The following KANK1 variants were observed in gnomAD, a reference collection of about 807,000 sequenced individuals.
KANK1 encodes KN motif and ankyrin repeat domains 1.
In KANK1, 109 loss-of-function variants were observed where a neutral mutation model predicts 106.2. The ratio of observed to expected loss-of-function variants is 1.03; its 90% CI spans 0.88 to 1.20. The LOEUF is 1.20. Among genes scored for constraint, KANK1 ranks in the 50% most tolerant of loss-of-function variants. The pLI, the probability that KANK1 is intolerant of heterozygous loss-of-function variation, is 0.00. For synonymous variants in KANK1, 873 were observed against 652.2 expected (o/e 1.34, Z -5.16); for missense variants, 2,399 against 1,710.7 (o/e 1.40, Z -7.10).
intron 1 of KANK1, among the ~76,000 whole-genome samples, chr9:514,143 C>CTCT (rs1563696773): frequency 1.5e-5 from 1 of 67,236 alleles, no homozygotes; most frequent in African/African-American, 1.5e-4. Flanking sequence ...TCCCTCCCTC[C>CTCT]CTTCCTCTCT....
At chr9:523,818 C>CTTTTTTT (rs56375582) in intron 1 of KANK1, among the ~76,000 whole-genome samples, 1 of 148,908 alleles carries the variant, frequency 6.7e-6, no homozygotes, top group Admixed American at 6.7e-5. Context: ...TTGGCCTCTT[C>CTTTTTTT]TTTTTTTTTT....
At chr9:546,966 A>G (rs2060970191) in intron 1 of KANK1, among the ~76,000 whole-genome samples, 1 of 152,192 alleles carries the variant, frequency 6.6e-6, no homozygotes, top group Non-Finnish European at 1.5e-5. Context: ...CTCACCAGAT[A>G]GGGTTGCAGC....
At chr9:745,053 T>G in intron 11 of KANK1, 120 bp from the exon 12 acceptor site, 1 of 1,529,880 alleles carries the variant, frequency 6.5e-7, no homozygotes, top group African/African-American at 1.4e-5. Context: ...GCCAGAGCTC[T>G]CCTGGCTCGG....
intron 3 of KANK1, among the ~76,000 whole-genome samples, chr9:491,455 G>A (rs1042030065): frequency 6.6e-6 from 1 of 151,828 alleles, no homozygotes; most frequent in Non-Finnish European, 1.5e-5. Flanking sequence ...TTTTAGTAGA[G>A]ATGGGATTTC....
chr9:608,179 A>C (rs1454444624), intron 1 of KANK1, among the ~76,000 whole-genome samples: 2 of 149,234 alleles, frequency 1.3e-5, no homozygotes, highest in Non-Finnish European at 3.0e-5. Context: ...CTGGGACTAC[A>C]GGCGCCCGCC....
intron 1 of KANK1, among the ~76,000 whole-genome samples, chr9:665,239 C>T (rs1844301052): frequency 6.6e-6 from 1 of 152,102 alleles, no homozygotes; most frequent in Admixed American, 6.5e-5. Flanking sequence ...AAAATTTTTG[C>T]CCAGACCAAT....
At chr9:626,590 T>C (rs942373774) in intron 1 of KANK1, among the ~76,000 whole-genome samples, 2 of 152,258 alleles carry the variant, frequency 1.3e-5, no homozygotes, top group African/African-American at 2.4e-5. Context: ...AGTAAATCCT[T>C]ATTTAGTGAA....
At chr9:706,859 G>T in intron 2 of KANK1, 1 of 985,496 alleles carries the variant, frequency 1.0e-6, no homozygotes, top group Non-Finnish European at 1.2e-6. Flanking sequence ...GGAGGACACA[G>T]ACTCTTTCAT....
chr9:633,709 G>C (rs993798072), intron 1 of KANK1, among the ~76,000 whole-genome samples: 1 of 152,178 alleles, frequency 6.6e-6, no homozygotes, highest in African/African-American at 2.4e-5. Context: ...CTAGTGTGCA[G>C]TGGCATGTTC....
intron 1 of KANK1, among the ~76,000 whole-genome samples, chr9:633,153 C>G (rs1257327895): frequency 2.0e-5 from 3 of 152,092 alleles, no homozygotes; most frequent in African/African-American, 4.8e-5. Context: ...CTTTTATGGA[C>G]TATTGATAAG....
At chr9:519,492 C>A (rs2059450511) in intron 1 of KANK1, among the ~76,000 whole-genome samples, 1 of 151,804 alleles carries the variant, frequency 6.6e-6, no homozygotes, top group Admixed American at 6.6e-5. Context: ...TAGTGATTTT[C>A]ATTAAGTTCT....
chr9:564,171 T>G (rs910789244), intron 1 of KANK1, among the ~76,000 whole-genome samples: 1 of 151,902 alleles, frequency 6.6e-6, no homozygotes, highest in African/African-American at 2.4e-5. Context: ...GCCATTCTCC[T>G]GCCTCAGCCT....
chr9:639,379 G>A (rs1351623950), intron 1 of KANK1, among the ~76,000 whole-genome samples: 1 of 152,044 alleles, frequency 6.6e-6, no homozygotes, highest in Non-Finnish European at 1.5e-5. Flanking sequence ...GGGCTAGAGT[G>A]CAGTGGCACG....
intron 1 of KANK1, among the ~76,000 whole-genome samples, chr9:587,298 C>G (rs1823736077): frequency 6.6e-6 from 1 of 151,988 alleles, no homozygotes; most frequent in Non-Finnish European, 1.5e-5. Flanking sequence ...TGAGAAAAGA[C>G]TTTTATAGGA....
At chr9:510,112 C>G (rs2058966623) in intron 1 of KANK1, among the ~76,000 whole-genome samples, 1 of 152,062 alleles carries the variant, frequency 6.6e-6, no homozygotes, top group African/African-American at 2.4e-5. Context: ...TGCACCCAGT[C>G]TAAGAAATCT....
chr9:714,548 G>T (rs1454799678), intron 3 of KANK1, among the ~76,000 whole-genome samples: 1 of 151,916 alleles, frequency 6.6e-6, no homozygotes, highest in African/African-American at 2.4e-5. Context: ...AGTAGAGATA[G>T]GGTTTCACCA....
chr9:576,447 C>G (rs559561588), intron 1 of KANK1, among the ~76,000 whole-genome samples: 3 of 152,344 alleles, frequency 2.0e-5, no homozygotes, highest in African/African-American at 7.2e-5. Flanking sequence ...CTGTGCCTAT[C>G]TTTCCCACAG....
At chr9:600,820 A>G (rs958147553) in intron 1 of KANK1, among the ~76,000 whole-genome samples, 2 of 151,884 alleles carry the variant, frequency 1.3e-5, no homozygotes, top group Non-Finnish European at 2.9e-5. Flanking sequence ...GCACTTTCCA[A>G]GAAAGATGAG....
At chr9:641,746 C>T (rs774385967) in intron 1 of KANK1, among the ~76,000 whole-genome samples, 17 of 152,168 alleles carry the variant, frequency 1.1e-4, no homozygotes, top group Non-Finnish European at 2.4e-4. Flanking sequence ...CTGTCTTAAC[C>T]TTCAGCTACC....
Sources: gnomAD v4.1 joint callset for allele counts (sites outside exome capture counted in the v4.1 genomes callset) on GRCh38, gnomAD v4.1.1 for gene constraint, MANE v1.5 for transcripts, NCBI Gene and HGNC (gene_info 2026-07-23, HGNC 2026-07-21) for gene names.